Variants in FMNL2 observed in about 807,000 individuals in gnomAD.
FMNL2 encodes the protein formin-like protein 2.
A neutral mutation model predicts 130.2 loss-of-function variants in FMNL2; 51 were observed. The ratio of observed to expected loss-of-function variants is 0.39; its 90% CI spans 0.31 to 0.49. The LOEUF (loss-of-function observed/expected upper bound fraction) is 0.49. Ranked by LOEUF, FMNL2 falls within the 20% of genes least tolerant of loss-of-function variation. The pLI is 0.85. For missense variants in FMNL2, 977 were observed against 1,316.2 expected (o/e 0.74, Z 3.99); for synonymous variants, 465 against 467.1 (o/e 1.00, Z 0.06).
intron 2 of FMNL2, among the ~76,000 whole-genome samples, chr2:152,528,507 C>T (rs62180830): frequency 0.17 from 25,969 of 152,134 alleles, 2,789 homozygotes; most frequent in Non-Finnish European, 0.25. Context: ...TCTCTGCCTC[C>T]ATCCTTACCT....
At chr2:152,431,965 T>TAAAA (rs60639670) in intron 1 of FMNL2, among the ~76,000 whole-genome samples, 5 of 82,148 alleles carry the variant, frequency 6.1e-5, no homozygotes, top group South Asian at 3.8e-4. Context: ...ACCCTATCTT[T>TAAAA]AAAAAAAAAA....
intron 11 of FMNL2, among the ~76,000 whole-genome samples, chr2:152,614,295 A>G (rs1198577239): frequency 6.6e-6 from 1 of 152,238 alleles, no homozygotes; most frequent in African/African-American, 2.4e-5. Context: ...TACATGGGGC[A>G]GTAAGGATTT....
At chr2:152,342,382 A>G (rs1681861208) in intron 1 of FMNL2, among the ~76,000 whole-genome samples, 1 of 152,238 alleles carries the variant, frequency 6.6e-6, no homozygotes, top group African/African-American at 2.4e-5. Context: ...GGAACAGCCT[A>G]GAGGAACTTA....
At chr2:152,455,520 A>G (rs541804215) in intron 1 of FMNL2, among the ~76,000 whole-genome samples, 5 of 152,246 alleles carry the variant, frequency 3.3e-5, no homozygotes, top group Admixed American at 2.0e-4. Flanking sequence ...ACATTTAGAT[A>G]TGGGGGCCAC....
intron 2 of FMNL2, among the ~76,000 whole-genome samples, chr2:152,536,788 C>A (rs1005821028): frequency 5.9e-5 from 9 of 152,150 alleles, no homozygotes; most frequent in African/African-American, 1.9e-4. Flanking sequence ...TAATTTCTTT[C>A]CTTAAGCCTC....
At chr2:152,422,923 T>C (rs1686996069) in intron 1 of FMNL2, among the ~76,000 whole-genome samples, 1 of 152,222 alleles carries the variant, frequency 6.6e-6, no homozygotes, top group African/African-American at 2.4e-5. Context: ...TTTGCAACAG[T>C]TGTGTCAGTT....
intron 6 of FMNL2, among the ~76,000 whole-genome samples, chr2:152,562,974 A>G (rs1426186867): frequency 6.6e-6 from 1 of 152,218 alleles, no homozygotes; most frequent in African/African-American, 2.4e-5. Flanking sequence ...TTTCTGGTTA[A>G]TAATTCAGTA....
At position 152,549,047 on chromosome 2, in the gene FMNL2, T is replaced by C. The variant is rs771149687; in HGVS notation, c.309T>C (p.Ser103=). Residue 103 remains serine (S), a synonymous_variant, in exon 4 of 26, where the codon TCT becomes TCC. Coordinates refer to ENST00000288670, the MANE Select transcript of FMNL2 (RefSeq NM_052905.4). ...AATTCAGACGGCGTGTTCAAGAATC[T>C]ACACAAGTGCTAAGAGAACTGGAAA... is the stretch of plus-strand genomic sequence containing the variant. ...RKKFRRRVQE[S]TQVLRELEIS... 3 of 1,610,244 alleles carry C rather than the reference T, an allele frequency of 1.9e-6. No individual in the cohort carries two copies. The highest frequency in any genetic ancestry group is 2.5e-6 in the Non-Finnish European group (3 of 1,178,528).
intron 13 of FMNL2, among the ~76,000 whole-genome samples, chr2:152,618,036 A>G (rs963167586): frequency 3.9e-5 from 6 of 152,166 alleles, no homozygotes; most frequent in African/African-American, 7.2e-5. Flanking sequence ...GGGTGTGAAG[A>G]ATGTTTCCCT....
intron 22 of FMNL2, 55 bp from the exon 23 acceptor site, chr2:152,637,518 C>A: frequency 7.3e-7 from 1 of 1,374,336 alleles, no homozygotes; most frequent in Non-Finnish European, 1.0e-6. Context: ...CCCCCTAGAG[C>A]ATCCAGTTCA....
At chr2:152,400,973 G>A (rs989479322) in intron 1 of FMNL2, among the ~76,000 whole-genome samples, 5 of 152,232 alleles carry the variant, frequency 3.3e-5, no homozygotes, top group Non-Finnish European at 7.3e-5. Context: ...CAAAAGGGTT[G>A]AACCTTCATT....
intron 9 of FMNL2, among the ~76,000 whole-genome samples, chr2:152,600,729 A>AG (rs1341200693): frequency 9.9e-6 from 1 of 101,222 alleles, no homozygotes; most frequent in Non-Finnish European, 2.6e-5. Flanking sequence ...GCATAGTTGG[A>AG]GCTTTTTTTT....
intron 6 of FMNL2, among the ~76,000 whole-genome samples, chr2:152,567,524 G>A (rs1013413704): frequency 6.6e-6 from 1 of 152,056 alleles, no homozygotes; most frequent in African/African-American, 2.4e-5. Context: ...TTTGGCTGTA[G>A]AGACAGTCAG....
chr2:152,547,085 A>G (rs899199805), intron 3 of FMNL2, among the ~76,000 whole-genome samples: 1 of 151,894 alleles, frequency 6.6e-6, no homozygotes, highest in Non-Finnish European at 1.5e-5. Context: ...AGCTGGGATT[A>G]CAGGCTTGTG....
In FMNL2 at chr2:152,464,954, C is replaced by T. The variant is rs112522209; in HGVS notation, c.118-56989C>T. Among the ~76,000 whole-genome samples, 342 of 152,242 alleles carry T rather than the reference C, an allele frequency of 2.2e-3. 1 individual carries two copies. The highest frequency in any genetic ancestry group is 0.017 in the Middle Eastern group (5 of 294). Reference sequence around the variant, plus strand: ...ATTGCTAGACATCCATCTAGCTTCCCTCTGCTAGGCACGAGATGTACAAAG... The same window carrying T: ...ATTGCTAGACATCCATCTAGCTTCCTTCTGCTAGGCACGAGATGTACAAAG... On this transcript the variant is annotated intron_variant, in intron 1 of 25. Coordinates refer to ENST00000288670, the MANE Select transcript of FMNL2 (RefSeq NM_052905.4).
chr2:152,424,650 A>C (rs1004028954), intron 1 of FMNL2, among the ~76,000 whole-genome samples: 1 of 151,456 alleles, frequency 6.6e-6, no homozygotes, highest in African/African-American at 2.4e-5. Flanking sequence ...CGGCCTCCCA[A>C]AGTGCTGGGA....
chr2:152,618,169 C>G, intron 13 of FMNL2, among the ~76,000 whole-genome samples: 1 of 152,166 alleles, frequency 6.6e-6, no homozygotes, highest in Non-Finnish European at 1.5e-5. Context: ...CCAGGACAGT[C>G]TTTGAATTGA....
chr2:152,624,056 C>T (rs562281258), intron 15 of FMNL2, among the ~76,000 whole-genome samples: 48 of 2,702 alleles, frequency 0.018, no homozygotes, highest in Non-Finnish European at 0.021. Flanking sequence ...CTCCCCTCCC[C>T]TCCCCTCCCC....
chr2:152,639,762 C>T (rs1682922779), intron 23 of FMNL2, among the ~76,000 whole-genome samples, 196 bp from the exon 24 acceptor site: 1 of 152,082 alleles, frequency 6.6e-6, no homozygotes, highest in African/African-American at 2.4e-5. Flanking sequence ...AATCTCAGCT[C>T]CCAGCTTTTA....
Sources: allele counts gnomAD v4.1 joint callset (sites outside exome capture counted in the v4.1 genomes callset), GRCh38; gene constraint gnomAD v4.1.1; transcripts MANE v1.5; gene names NCBI Gene and HGNC (gene_info 2026-07-23, HGNC 2026-07-21).